Variants in ABCA13 observed in about 807,000 individuals in gnomAD.
The protein encoded by ABCA13 is ATP binding cassette subfamily A member 13, also known as ATP-binding cassette sub-family A member 13.
Under a neutral mutation model 478.7 loss-of-function variants are expected in ABCA13, and 476 were observed. That is an observed-to-expected ratio of 0.99 (90% CI 0.92 to 1.07). The LOEUF is 1.07. ABCA13 is among the 50% of genes least tolerant of loss of function. The pLI, the probability that ABCA13 is intolerant of heterozygous loss-of-function variation, is 0.00. For synonymous variants in ABCA13, 2,252 were observed against 2,158.9 expected, an observed-to-expected ratio of 1.04 and a Z score of -1.20; for missense variants, 6,060 against 5,910.6, an observed-to-expected ratio of 1.03 and a Z score of -0.83.
chr7:48,637,979 T>C (rs1194148503), intron 59 of ABCA13, among the ~76,000 whole-genome samples: 1 of 152,138 alleles, frequency 6.6e-6, no homozygotes, highest in Non-Finnish European at 1.5e-5. Context: ...ACTGATGGCA[T>C]TGAAGGATGC....
At chr7:48,493,740 C>T (rs1830036847) in intron 48 of ABCA13, among the ~76,000 whole-genome samples, 1 of 152,226 alleles carries the variant, frequency 6.6e-6, no homozygotes, top group Non-Finnish European at 1.5e-5. Flanking sequence ...ATTGGAATCA[C>T]TTAAGCATTT....
At position 48,411,291 on chromosome 7, in the gene ABCA13, C is replaced by CTCTTTTCTTTTCTTTTCTTTTCTTTTCTT. The variant is rs1554500144; in HGVS notation, c.12228+615_12228+616insCTTTTCTTTTCTTTTCTTTTCTTTTCTTT. On this transcript the variant is annotated intron_variant, in intron 40 of 61. Transcript: ENST00000435803. Reference sequence around the variant, plus strand: ...TTCCTCCCTCCCTCCTCCTTCCTTCCTTCTTTTCTTTTCTTTTCTTTTCTT... The same window carrying CTCTTTTCTTTTCTTTTCTTTTCTTTTCTT: ...TTCCTCCCTCCCTCCTCCTTCCTTCCTCTTTTCTTTTCTTTTCTTTTCTTTTCTTTTCTTTTCTTTTCTTTTCTTTTCTT... Among the ~76,000 whole-genome samples the CTCTTTTCTTTTCTTTTCTTTTCTTTTCTT allele has an allele frequency of 8.2e-4, 76 of 92,884 alleles. 1 individual carries two copies. The highest frequency in any genetic ancestry group is 1.2e-3 in the Admixed American group (9 of 7,584). 60.9% of individuals were successfully genotyped at this position (92,884 alleles called of 152,430 possible). A position where few individuals can be genotyped will look rare whatever the true frequency, so the allele number is the denominator to read the frequency against.
At chr7:48,456,870 A>T (rs1420554482) in intron 43 of ABCA13, among the ~76,000 whole-genome samples, 2 of 152,110 alleles carry the variant, frequency 1.3e-5, no homozygotes, top group East Asian at 3.9e-4. Context: ...GATTTAGGTG[A>T]CTATCTACTT....
chr7:48,483,105 T>C lies in ABCA13; in HGVS notation c.13124T>C (p.Ile4375Thr). The C allele has an allele frequency of 1.2e-6, 2 of 1,613,020 alleles. No homozygotes were observed. Among genetic ancestry groups the C allele is most frequent in the Non-Finnish European group, 1.7e-6 (2 of 1,179,566 alleles). Residue 4375 changes from isoleucine to threonine, a missense_variant, in exon 47 of 62, where the codon ATC becomes ACC. Around this residue, in one of 3 missense-constraint regions of ABCA13, gnomAD observed 1,627 missense variants for 1,571.0 expected, o/e 1.04. Transcript: ENST00000435803. ...RLGGWSFGLKIPSEAGGANGN... is the reference protein window; with the variant it reads ...RLGGWSFGLKTPSEAGGANGN... The stretch of plus-strand genomic sequence containing the variant: ...GGAGGTTGGTCTTTTGGATTAAAAA[T>C]CCCCAGTGAAGCTGGAGGTGCAAAT...
chr7:48,574,338 T>C (rs1787959266), intron 55 of ABCA13, among the ~76,000 whole-genome samples: 1 of 152,160 alleles, frequency 6.6e-6, no homozygotes, highest in Non-Finnish European at 1.5e-5. Flanking sequence ...TTCCGGAGGC[T>C]TCACTGTTCA....
At position 48,278,725 on chromosome 7, in the gene ABCA13, G is replaced by C; in HGVS notation, c.7531G>C (p.Asp2511His). ...GGTCATGCTGTTGAATGACAGTGCTGACCTGAGAGATCTTGCCACATCAAT... is the reference window on the plus strand; with the variant it reads ...GGTCATGCTGTTGAATGACAGTGCTCACCTGAGAGATCTTGCCACATCAAT... ...TLVMLLNDSADLRDLATSMDS... is the reference protein window; with the variant it reads ...TLVMLLNDSAHLRDLATSMDS... Residue 2511 changes from aspartate (D) to histidine (H), a missense_variant, in exon 18 of 62, where the codon GAC becomes CAC. Around this residue, in one of 3 missense-constraint regions of ABCA13, gnomAD observed 4,423 missense variants for 4,309.1 expected, o/e 1.03. Coordinates refer to ENST00000435803, the MANE Select transcript of ABCA13 (RefSeq NM_152701.5). The C allele has an allele frequency of 6.2e-7, 1 of 1,613,926 alleles. No individual in the cohort carries two copies. The highest frequency in any genetic ancestry group is 1.7e-5 in the Admixed American group (1 of 60,022).
chr7:48,286,638 G>A (rs1797795412), intron 19 of ABCA13, among the ~76,000 whole-genome samples: 2 of 151,956 alleles, frequency 1.3e-5, no homozygotes, highest in South Asian at 4.2e-4. Context: ...CTGAGTAGCT[G>A]GGATTACAGG....
chr7:48,382,273 A>G (rs2129044995), intron 35 of ABCA13, among the ~76,000 whole-genome samples: 1 of 152,252 alleles, frequency 6.6e-6, no homozygotes, highest in Non-Finnish European at 1.5e-5. Flanking sequence ...ACACAAAGTT[A>G]TCTTTCTTAA....
chr7:48,642,214 G>A (rs904919460), intron 59 of ABCA13, among the ~76,000 whole-genome samples: 2 of 152,132 alleles, frequency 1.3e-5, no homozygotes, highest in African/African-American at 2.4e-5. Flanking sequence ...AGCTCCATGG[G>A]TGCTCACAAG....
intron 42 of ABCA13, among the ~76,000 whole-genome samples, chr7:48,431,333 TTC>T (rs1563246022): frequency 2.8e-5 from 4 of 142,038 alleles, no homozygotes; most frequent in African/African-American, 1.1e-4. Context: ...CAGAGGGAGA[TTC>T]TGTCTCAAAC....
At chr7:48,231,862 A>G (rs1481657757) in intron 7 of ABCA13, among the ~76,000 whole-genome samples, 1 of 152,066 alleles carries the variant, frequency 6.6e-6, no homozygotes, top group Non-Finnish European at 1.5e-5. Flanking sequence ...TGGTTTCACC[A>G]TGTTGGCCAG....
At chr7:48,503,382 G>T (rs888889518) in intron 48 of ABCA13, among the ~76,000 whole-genome samples, 2 of 152,156 alleles carry the variant, frequency 1.3e-5, no homozygotes, top group Admixed American at 6.6e-5. Flanking sequence ...GAGCTACCAT[G>T]CCCAGGCTTT....
chr7:48,487,684 A>G (rs912908965), intron 47 of ABCA13, among the ~76,000 whole-genome samples: 2 of 152,160 alleles, frequency 1.3e-5, no homozygotes, highest in African/African-American at 2.4e-5. Flanking sequence ...TCCACTTTCC[A>G]TAGGCAGTGG....
Position 48,241,024 on chromosome 7 carries a change from T to C in ABCA13, c.1220T>C (p.Leu407Ser), listed in dbSNP as rs2129013742. ...GCACTGCTCCTGCTGAATGACAGCT[T>C]GTCAGCAGATGGCCCAAAAGATAAT... is the stretch of plus-strand genomic sequence containing the variant. ...HTALLLLNDS[L>S]SADGPKDNHT... is the part of the protein sequence containing the mutation. Residue 407 changes from leucine to serine, a missense_variant, in exon 10 of 62, where the codon TTG becomes TCG. Transcript: ENST00000435803. 1 of 1,614,036 alleles carries C rather than the reference T, an allele frequency of 6.2e-7. No individual in the cohort carries two copies. The highest frequency in any genetic ancestry group is 2.2e-5 in the East Asian group (1 of 44,892).
chr7:48,522,235 G>A (rs1318541483), intron 53 of ABCA13, among the ~76,000 whole-genome samples: 1 of 152,142 alleles, frequency 6.6e-6, no homozygotes, highest in Non-Finnish European at 1.5e-5. Flanking sequence ...TTCCCAGCCT[G>A]AGCAGGGCCC....
chr7:48,434,400 C>G (rs1382756288), intron 42 of ABCA13, among the ~76,000 whole-genome samples: 4 of 151,786 alleles, frequency 2.6e-5, no homozygotes, highest in African/African-American at 9.7e-5. Context: ...TCGTTGTTTT[C>G]TGGATATTAA....
At position 48,374,327 on chromosome 7, in the gene ABCA13, C is replaced by A; in HGVS notation, c.11134-20C>A. On this transcript the variant is annotated intron_variant, in intron 33 of 61. Transcript: ENST00000435803. ...ATCAAAACACTAACGTGCAGTTTTT[C>A]TCCATCAATCTGTGGGCAGTGCCTT... The A allele has an allele frequency of 6.3e-7, 1 of 1,599,100 alleles. No individual in the cohort carries two copies. The highest frequency in any genetic ancestry group is 1.1e-5 in the South Asian group (1 of 87,128).
At chr7:48,547,141 C>T (rs1289238521) in intron 55 of ABCA13, among the ~76,000 whole-genome samples, 1 of 151,502 alleles carries the variant, frequency 6.6e-6, no homozygotes, top group Non-Finnish European at 1.5e-5. Flanking sequence ...TGTACATATA[C>T]ACAAAAATGC....
chr7:48,220,955 T>G, intron 4 of ABCA13, among the ~76,000 whole-genome samples: 1 of 152,160 alleles, frequency 6.6e-6, no homozygotes, highest in East Asian at 1.9e-4. Flanking sequence ...AATTTTCATT[T>G]ATTCCCTCTC....
Sources: gnomAD v4.1 joint callset for allele counts (sites outside exome capture counted in the v4.1 genomes callset) on GRCh38, gnomAD v4.1.1 for gene constraint, gnomAD v4.1.1 regional missense constraint, MANE v1.5 for transcripts, NCBI Gene and HGNC (gene_info 2026-07-23, HGNC 2026-07-21) for gene names.